Variants in SCN7A observed in about 807,000 individuals in gnomAD.
SCN7A encodes the protein sodium channel protein type 7 subunit alpha.
SCN7A carries 138 observed loss-of-function variants against 155.2 expected under a neutral mutation model. That is an observed-to-expected ratio of 0.89 (90% CI 0.77 to 1.02). SCN7A has a LOEUF of 1.02. SCN7A is among the 50% of genes least tolerant of loss of function. The probability of loss-of-function intolerance (pLI) is 0.00; values close to 1 mark genes in which losing one functional copy is unlikely to be tolerated. For synonymous variants in SCN7A, 693 were observed against 649.0 expected, an observed-to-expected ratio of 1.07 and a Z score of -1.03; for missense variants, 2,058 against 1,986.6, an observed-to-expected ratio of 1.04 and a Z score of -0.68.
chr2:166,414,261 T>TAATATATTATATATATGTAA (rs1559088635), intron 21 of SCN7A, among the ~76,000 whole-genome samples: 2 of 65,440 alleles, frequency 3.1e-5, no homozygotes, highest in African/African-American at 6.8e-5. Context: ...TATAGATATA[T>TAATATATTATATATATGTAA]ATACACACAC....
chr2:166,433,632 C>T (rs1196157050), intron 15 of SCN7A, among the ~76,000 whole-genome samples: 1 of 152,192 alleles, frequency 6.6e-6, no homozygotes, highest in Admixed American at 6.6e-5. Flanking sequence ...AGCTGTCTCA[C>T]CCAAGGTGAG....
intron 1 of SCN7A, among the ~76,000 whole-genome samples, chr2:166,487,886 T>G (rs565803554): frequency 6.6e-6 from 1 of 152,308 alleles, no homozygotes; most frequent in South Asian, 2.1e-4. Flanking sequence ...ATAAAATGAC[T>G]TCTCACTTAG....
chr2:166,444,517 G>A (rs975561119), intron 13 of SCN7A, among the ~76,000 whole-genome samples: 3 of 152,190 alleles, frequency 2.0e-5, no homozygotes, highest in Admixed American at 2.0e-4. Context: ...CAAGCATCTG[G>A]CTAGGAATCC....
chr2:166,409,643 A>AT, intron 25 of SCN7A, 22 bp downstream of exon 25: 3 of 1,447,718 alleles, frequency 2.1e-6, no homozygotes, highest in Non-Finnish European at 2.7e-6. Context: ...ATCAGTAAAA[A>AT]TTTGACTAAA....
rs940767940 is a variant in SCN7A, at chr2:166,462,431, A to C, written c.1041T>G (p.Phe347Leu). 11 of 1,608,556 alleles carry C rather than the reference A, an allele frequency of 6.8e-6. No homozygotes were observed. In the African/African-American group the frequency reaches 1.5e-4, roughly 21 times the overall value. ...CAGGGTAATCCTGAGCCATTAACCG[A>C]AATAGGGCAAATAAGGCCCAGCCAA... ...DSFGWALFAL[F>L]RLMAQDYPEV... Residue 347 changes from phenylalanine to leucine, a missense_variant, in exon 10 of 26, where the codon TTT becomes TTG. Physicochemically the swap from Phe to Leu is conservative, Grantham distance 22. Coordinates refer to ENST00000643258, the MANE Select transcript of SCN7A (RefSeq NM_002976.4).
chr2:166,478,273 C>A (rs761373266), intron 2 of SCN7A, among the ~76,000 whole-genome samples: 11 of 150,218 alleles, frequency 7.3e-5, no homozygotes, highest in Non-Finnish European at 1.6e-4. Flanking sequence ...ACGTTGTGCA[C>A]GTATACCCTA....
At chr2:166,421,119 C>T (rs2105389649) in intron 20 of SCN7A, 71 bp downstream of exon 20, 3 of 976,542 alleles carry the variant, frequency 3.1e-6, no homozygotes, top group Non-Finnish European at 4.5e-6. Flanking sequence ...GAAAACAAAG[C>T]TTCCCAATTT....
At chr2:166,458,626 GT>G (rs1291206896) in intron 10 of SCN7A, among the ~76,000 whole-genome samples, 3 of 151,992 alleles carry the variant, frequency 2.0e-5, no homozygotes, top group Non-Finnish European at 4.4e-5. Context: ...CAATTTTTTG[GT>G]TTTTTATACT....
chr2:166,406,754 T>G (rs1357767162), intron 25 of SCN7A, 108 bp from the exon 26 acceptor site: 2 of 782,576 alleles, frequency 2.6e-6, no homozygotes, highest in African/African-American at 3.5e-5. Flanking sequence ...TTATTAATCC[T>G]TTATTGATCC....
chr2:166,436,550 G>C (rs1365524437), intron 15 of SCN7A: 1 of 204,692 alleles, frequency 4.9e-6, no homozygotes, highest in East Asian at 1.6e-4. Flanking sequence ...TGATACTGCA[G>C]AGAATGGGGC....
At chr2:166,472,495 C>T in intron 5 of SCN7A, 50 bp from the exon 6 acceptor site, 3 of 1,370,952 alleles carry the variant, frequency 2.2e-6, no homozygotes, top group Non-Finnish European at 3.0e-6. Context: ...AATACATTGT[C>T]AACTCTGAAA....
intron 2 of SCN7A, among the ~76,000 whole-genome samples, chr2:166,483,330 T>C (rs948872169): frequency 6.6e-6 from 1 of 152,092 alleles, no homozygotes; most frequent in African/African-American, 2.4e-5. Context: ...GACTAGACGT[T>C]TCTAATTAAA....
intron 3 of SCN7A, 77 bp from the exon 4 acceptor site, chr2:166,474,421 C>G (rs1315389311): frequency 3.9e-6 from 2 of 507,572 alleles, no homozygotes; most frequent in Non-Finnish European, 6.8e-6. Context: ...AACTGCCAAT[C>G]AATCATCATT....
At chr2:166,420,838 T>C (rs1701495350) in intron 20 of SCN7A, among the ~76,000 whole-genome samples, 1 of 152,020 alleles carries the variant, frequency 6.6e-6, no homozygotes, top group Admixed American at 6.6e-5. Context: ...TTAAAGTTTG[T>C]TAACTGATCC....
intron 10 of SCN7A, among the ~76,000 whole-genome samples, chr2:166,461,400 T>A (rs1446794702): frequency 6.6e-6 from 1 of 152,194 alleles, no homozygotes; most frequent in East Asian, 1.9e-4. Context: ...CCCATTTTCA[T>A]GAATATCATA....
intron 12 of SCN7A, 141 bp from the exon 13 acceptor site, chr2:166,445,141 C>T: frequency 1.7e-6 from 1 of 598,926 alleles, no homozygotes; most frequent in South Asian, 2.1e-5. Context: ...TATAGTGAAA[C>T]TTTGTCTCTA....
chr2:166,465,417 T>G (rs1245528811), intron 9 of SCN7A, 45 bp downstream of exon 9: 1 of 1,279,018 alleles, frequency 7.8e-7, no homozygotes, highest in Admixed American at 1.9e-5. Context: ...TAAATACTAT[T>G]GACAGGTGAT....
chr2:166,405,571 T>A lies in SCN7A; in HGVS notation c.*9A>T. 1.3e-6 allele frequency: 2 copies of A among 1,523,562 alleles called. No homozygotes were observed. Among genetic ancestry groups the A allele is most frequent in the Non-Finnish European group, 8.8e-7 (1 of 1,132,818 alleles). 94.4% of individuals were successfully genotyped at this position (1,523,562 alleles called of 1,614,324 possible). A position where few individuals can be genotyped will look rare whatever the true frequency, so the allele number is the denominator to read the frequency against. Reference sequence around the variant, plus strand: ...TGTGAAGAAATATGAAAAGAGGTGGTAAGTGGTATTAGATCTGGCTTTGAA... The same window carrying A: ...TGTGAAGAAATATGAAAAGAGGTGGAAAGTGGTATTAGATCTGGCTTTGAA... On this transcript the variant is annotated 3_prime_UTR_variant, in exon 26 of 26. Transcript: ENST00000643258.
At chr2:166,475,126 A>ACG (rs1702766626) in intron 3 of SCN7A, among the ~76,000 whole-genome samples, 1 of 139,198 alleles carries the variant, frequency 7.2e-6, no homozygotes, top group African/African-American at 2.6e-5. Context: ...ATATACATAT[A>ACG]TATATATATA....
Sources: allele counts gnomAD v4.1 joint callset (sites outside exome capture counted in the v4.1 genomes callset), GRCh38; gene constraint gnomAD v4.1.1; transcripts MANE v1.5; gene names NCBI Gene and HGNC (gene_info 2026-07-23, HGNC 2026-07-21).